Variants in ZFPM2 observed in about 807,000 individuals in gnomAD.
ZFPM2 encodes zinc finger protein ZFPM2.
ZFPM2 carries 20 observed loss-of-function variants against 98.6 expected under a neutral mutation model. The ratio of observed to expected loss-of-function variants is 0.20; its 90% CI spans 0.14 to 0.29. The LOEUF (loss-of-function observed/expected upper bound fraction) is 0.29, where lower values mean the gene tolerates loss of function less well. Ranked by LOEUF, ZFPM2 falls within the 10% of genes least tolerant of loss-of-function variation. The pLI, the probability that ZFPM2 is intolerant of heterozygous loss-of-function variation, is 1.00. For synonymous variants in ZFPM2, 518 were observed against 502.7 expected, an observed-to-expected ratio of 1.03 and a Z score of -0.41; for missense variants, 1,310 against 1,388.6, an observed-to-expected ratio of 0.94 and a Z score of 0.90.
intron 5 of ZFPM2, among the ~76,000 whole-genome samples, chr8:105,776,364 A>C (rs1292762205): frequency 6.6e-6 from 1 of 152,202 alleles, no homozygotes; most frequent in East Asian, 1.9e-4. Flanking sequence ...TTGAATTTAC[A>C]TTAAGTAATA....
At chr8:105,341,160 A>G (rs138025452) in intron 1 of ZFPM2, among the ~76,000 whole-genome samples, 2 of 152,088 alleles carry the variant, frequency 1.3e-5, no homozygotes, top group Admixed American at 6.6e-5. Context: ...TAAGGTAGGT[A>G]TAGAACATAC....
intron 3 of ZFPM2, among the ~76,000 whole-genome samples, chr8:105,506,492 C>A (rs1170146507): frequency 1.3e-5 from 2 of 152,164 alleles, no homozygotes; most frequent in Non-Finnish European, 2.9e-5. Flanking sequence ...ACTTTCCCAG[C>A]TAACCAACCT....
intron 3 of ZFPM2, among the ~76,000 whole-genome samples, chr8:105,462,058 A>G (rs1256872954): frequency 6.6e-6 from 1 of 152,156 alleles, no homozygotes; most frequent in African/African-American, 2.4e-5. Context: ...GAACAATATG[A>G]TTTATTTTTC....
intron 7 of ZFPM2, among the ~76,000 whole-genome samples, 156 bp downstream of exon 7, chr8:105,799,104 C>G (rs1813923606): frequency 6.6e-6 from 1 of 152,194 alleles, no homozygotes; most frequent in Non-Finnish European, 1.5e-5. Flanking sequence ...TCTTATGCCA[C>G]TTATACTCAG....
At chr8:105,343,455 G>A (rs1254631890) in intron 1 of ZFPM2, among the ~76,000 whole-genome samples, 1 of 152,082 alleles carries the variant, frequency 6.6e-6, no homozygotes, top group Non-Finnish European at 1.5e-5. Flanking sequence ...GAAAATTCTG[G>A]GTTTTTTAAT....
chr8:105,709,780 A>G (rs1811338181), intron 5 of ZFPM2, among the ~76,000 whole-genome samples: 1 of 152,154 alleles, frequency 6.6e-6, no homozygotes, highest in Admixed American at 6.6e-5. Flanking sequence ...CCTGAAAAAG[A>G]TACGAAAGTT....
At chr8:105,388,523 G>A (rs1339235881) in intron 1 of ZFPM2, among the ~76,000 whole-genome samples, 1 of 152,166 alleles carries the variant, frequency 6.6e-6, no homozygotes, top group Non-Finnish European at 1.5e-5. Context: ...AGCCTTCTGG[G>A]GGGTGATGGG....
chr8:105,716,384 T>C (rs1177456696), intron 5 of ZFPM2, among the ~76,000 whole-genome samples: 2 of 151,820 alleles, frequency 1.3e-5, no homozygotes, highest in Non-Finnish European at 2.9e-5. Flanking sequence ...TATGTATTTA[T>C]ATATAAAACC....
chr8:105,618,450 A>G, intron 4 of ZFPM2, among the ~76,000 whole-genome samples: 1 of 152,138 alleles, frequency 6.6e-6, no homozygotes, highest in East Asian at 1.9e-4. Flanking sequence ...GTAATGTGGC[A>G]CCTAGAATTT....
At chr8:105,732,985 A>T (rs1811977704) in intron 5 of ZFPM2, among the ~76,000 whole-genome samples, 1 of 151,924 alleles carries the variant, frequency 6.6e-6, no homozygotes, top group South Asian at 2.1e-4. Context: ...TAAAATAAAG[A>T]TGTAAGCATA....
At chr8:105,577,083 T>G (rs1815483771) in intron 4 of ZFPM2, among the ~76,000 whole-genome samples, 1 of 152,200 alleles carries the variant, frequency 6.6e-6, no homozygotes, top group African/African-American at 2.4e-5. Context: ...ATGTATTTCT[T>G]TCTTTAATGT....
chr8:105,637,243 ACT>A (rs1816863477), intron 5 of ZFPM2, among the ~76,000 whole-genome samples: 1 of 152,112 alleles, frequency 6.6e-6, no homozygotes, highest in Non-Finnish European at 1.5e-5. Flanking sequence ...GAACTACATG[ACT>A]CTGCCTTTCC....
intron 5 of ZFPM2, among the ~76,000 whole-genome samples, chr8:105,740,543 T>G (rs547913759): frequency 2.9e-5 from 4 of 138,398 alleles, no homozygotes; most frequent in African/African-American, 1.0e-4. Flanking sequence ...ATATATATAT[T>G]ATATATATAT....
chr8:105,577,467 A>G (rs1018801620), intron 4 of ZFPM2, among the ~76,000 whole-genome samples: 6 of 84,070 alleles, frequency 7.1e-5, no homozygotes, highest in Middle Eastern at 5.7e-3. Context: ...AATCTTATGA[A>G]GTAAAGCACA....
Position 105,802,179 on chromosome 8 carries a change from C to A in ZFPM2, c.2097C>A (p.His699Gln), listed in dbSNP as rs139368368. Reference protein sequence around the residue: ...CEACNITFSRHETYMVHKQYY... With the variant: ...CEACNITFSRQETYMVHKQYY... ...CTTGCAACATTACCTTCAGCCGGCA[C>A]GAAACATACATGGTCCACAAACAGT... The change falls in exon 8 of 8, where the codon CAC (histidine) becomes CAA (glutamine). Residue 699 changes from histidine to glutamine, a missense_variant. Coordinates refer to ENST00000407775, the MANE Select transcript of ZFPM2 (RefSeq NM_012082.4). 3 of 1,613,760 alleles carry A rather than the reference C, an allele frequency of 1.9e-6. No homozygotes were observed. The highest frequency in any genetic ancestry group is 1.6e-4 in the Middle Eastern group (1 of 6,082).
intron 1 of ZFPM2, among the ~76,000 whole-genome samples, chr8:105,369,856 T>C (rs1337871107): frequency 1.3e-5 from 2 of 152,108 alleles, no homozygotes; most frequent in Non-Finnish European, 2.9e-5. Flanking sequence ...GAGCTTATAA[T>C]GTTAGAAAAT....
intron 7 of ZFPM2, among the ~76,000 whole-genome samples, chr8:105,799,713 T>C (rs1813943635): frequency 6.6e-6 from 1 of 152,212 alleles, no homozygotes; most frequent in South Asian, 2.1e-4. Context: ...CTTTAAATAA[T>C]TTTAGGTACA....
chr8:105,712,941 G>C (rs1274096413), intron 5 of ZFPM2, among the ~76,000 whole-genome samples: 1 of 151,832 alleles, frequency 6.6e-6, no homozygotes, highest in Non-Finnish European at 1.5e-5. Context: ...ACCACAGATA[G>C]GCTCTTCAGT....
chr8:105,325,764 T>C (rs1787990847), intron 1 of ZFPM2, among the ~76,000 whole-genome samples: 1 of 151,732 alleles, frequency 6.6e-6, no homozygotes, highest in Non-Finnish European at 1.5e-5. Flanking sequence ...GTCATACCGT[T>C]ACTGTCAGGC....
Sources: allele counts gnomAD v4.1 joint callset (sites outside exome capture counted in the v4.1 genomes callset), GRCh38; gene constraint gnomAD v4.1.1; transcripts MANE v1.5; gene names NCBI Gene and HGNC (gene_info 2026-07-23, HGNC 2026-07-21).